Variants in PPTC7 observed in about 807,000 individuals in gnomAD.
PPTC7 encodes protein phosphatase targeting COQ7, also known as protein phosphatase PTC7 homolog.
PPTC7 carries 6 observed loss-of-function variants against 30.8 expected under a neutral mutation model. The ratio of observed to expected loss-of-function variants is 0.19; its 90% CI spans 0.11 to 0.38. PPTC7 has a LOEUF of 0.38. Ranked by LOEUF, PPTC7 falls within the 10% of genes least tolerant of loss-of-function variation. The pLI, the probability that PPTC7 is intolerant of heterozygous loss-of-function variation, is 1.00. For missense variants in PPTC7, 218 were observed against 404.8 expected (o/e 0.54, Z 3.96); for synonymous variants, 163 against 168.1 (o/e 0.97, Z 0.23).
intron 1 of PPTC7, among the ~76,000 whole-genome samples, chr12:110,580,014 C>T (rs538760871): frequency 2.6e-5 from 4 of 151,010 alleles, no homozygotes; most frequent in East Asian, 3.9e-4. Context: ...ACTCCATACC[C>T]GCACCCCCCA....
chr12:110,583,024 G>A lies in PPTC7; in HGVS notation c.8C>T (p.Ser3Leu). ...CACCAGCCGCCCGTACGAGAGGACC[G>A]AGAACATCGCCGCCGCCGCCCCCCC... MFSVLSYGRLVAR... is the reference protein window; with the variant it reads MFLVLSYGRLVAR... Residue 3 changes from serine (S) to leucine (L), a missense_variant, in exon 1 of 6, where the codon TCG (serine) becomes TTG (leucine). Coordinates refer to ENST00000354300, the MANE Select transcript of PPTC7 (RefSeq NM_139283.2). 1 of 1,421,522 alleles carries A rather than the reference G, an allele frequency of 7.0e-7. No individual in the cohort carries two copies. Among genetic ancestry groups the A allele is most frequent in the Non-Finnish European group, 9.1e-7 (1 of 1,097,392 alleles). 88.1% of individuals were successfully genotyped at this position (1,421,522 alleles called of 1,614,324 possible). A position where few individuals can be genotyped will look rare whatever the true frequency, so the allele number is the denominator to read the frequency against.
At chr12:110,563,975 A>C (rs1243527200) in intron 1 of PPTC7, among the ~76,000 whole-genome samples, 1 of 152,242 alleles carries the variant, frequency 6.6e-6, no homozygotes, top group Non-Finnish European at 1.5e-5. Context: ...TCTTCCTTTA[A>C]CTTCAATAAT....
At chr12:110,573,978 T>C (rs2135793865) in intron 1 of PPTC7, among the ~76,000 whole-genome samples, 1 of 149,650 alleles carries the variant, frequency 6.7e-6, no homozygotes, top group Non-Finnish European at 1.5e-5. Context: ...CAAAACTCTG[T>C]CTCTAAATAA....
chr12:110,544,197 TAA>T (rs2064287438), intron 3 of PPTC7, among the ~76,000 whole-genome samples: 1 of 152,206 alleles, frequency 6.6e-6, no homozygotes, highest in African/African-American at 2.4e-5. Context: ...CTTTTACCGG[TAA>T]AAGTTACTTT....
chr12:110,552,344 AC>A (rs1261158504), intron 1 of PPTC7, among the ~76,000 whole-genome samples: 3 of 152,248 alleles, frequency 2.0e-5, no homozygotes. Flanking sequence ...TAGTGACGAT[AC>A]AATTCAGTCA....
At chr12:110,537,793 T>G (rs2064230205) in intron 5 of PPTC7, among the ~76,000 whole-genome samples, 2 of 152,186 alleles carry the variant, frequency 1.3e-5, no homozygotes, top group Admixed American at 1.3e-4. Flanking sequence ...AAGCGAAATG[T>G]CAGACACGTG....
intron 2 of PPTC7, among the ~76,000 whole-genome samples, chr12:110,550,323 C>T (rs567225785): frequency 6.6e-6 from 1 of 151,308 alleles, no homozygotes; most frequent in East Asian, 2.0e-4. Context: ...CTCCGCCTCC[C>T]AGGTTCACAC....
intron 2 of PPTC7, among the ~76,000 whole-genome samples, chr12:110,548,485 C>T (rs1484715239): frequency 6.6e-6 from 1 of 152,192 alleles, no homozygotes; most frequent in Admixed American, 6.5e-5. Context: ...ACTGGTAGTG[C>T]TGTCAGATAA....
At chr12:110,571,325 T>C (rs2064534855) in intron 1 of PPTC7, among the ~76,000 whole-genome samples, 1 of 151,426 alleles carries the variant, frequency 6.6e-6, no homozygotes, top group Non-Finnish European at 1.5e-5. Context: ...TCTAAAAGAT[T>C]GGAAAAGAAT....
intron 1 of PPTC7, among the ~76,000 whole-genome samples, chr12:110,574,761 G>C (rs2064573273): frequency 1.3e-5 from 2 of 152,040 alleles, no homozygotes; most frequent in African/African-American, 4.8e-5. Context: ...CAGGGAGACA[G>C]AAAACTCCCT....
At chr12:110,582,786 AG>A in intron 1 of PPTC7, 22 bp downstream of exon 1, 2 of 1,532,170 alleles carry the variant, frequency 1.3e-6, no homozygotes, top group African/African-American at 1.4e-5. Flanking sequence ...GGCTGGGGCA[AG>A]GGAACCGGGT....
intron 1 of PPTC7, 47 bp from the exon 2 acceptor site, chr12:110,552,015 T>G: frequency 6.7e-7 from 1 of 1,489,190 alleles, no homozygotes; most frequent in Non-Finnish European, 9.3e-7. Flanking sequence ...CTTACCAACT[T>G]CTCAGGAATT....
chr12:110,552,176 A>G (rs751069071), intron 1 of PPTC7, among the ~76,000 whole-genome samples: 2 of 152,208 alleles, frequency 1.3e-5, no homozygotes, highest in Non-Finnish European at 2.9e-5. Context: ...CCTTTCATAT[A>G]TTGATGAATA....
intron 1 of PPTC7, among the ~76,000 whole-genome samples, chr12:110,572,881 A>G (rs1222623147): frequency 2.0e-5 from 3 of 151,790 alleles, no homozygotes; most frequent in African/African-American, 7.3e-5. Flanking sequence ...TTATTTATTT[A>G]TTTATTTATT....
At chr12:110,545,249 C>T (rs182902605) in intron 3 of PPTC7, among the ~76,000 whole-genome samples, 25 of 152,240 alleles carry the variant, frequency 1.6e-4, no homozygotes, top group Non-Finnish European at 2.9e-4. Context: ...CCCGCCATCA[C>T]GCCCAGCTAA....
chr12:110,550,760 T>C (rs572634742), intron 2 of PPTC7, among the ~76,000 whole-genome samples: 1 of 152,334 alleles, frequency 6.6e-6, no homozygotes, highest in South Asian at 2.1e-4. Flanking sequence ...TTAAGTTTTC[T>C]AATACAAGAT....
At position 110,534,862 on chromosome 12, in the gene PPTC7, A is replaced by T. The variant is rs2064207252; in HGVS notation, c.*2175T>A. On this transcript the variant is annotated 3_prime_UTR_variant, in exon 6 of 6. Transcript: ENST00000354300. ...GATTGTGTTTGACGGGTTAAATGAGAGCAGAGAAAAACCAGAAACTTGACG... is the reference window on the plus strand; with the variant it reads ...GATTGTGTTTGACGGGTTAAATGAGTGCAGAGAAAAACCAGAAACTTGACG... The T allele has an allele frequency of 6.6e-6, 1 of 152,622 alleles. No individual in the cohort carries two copies. The highest frequency in any genetic ancestry group is 1.5e-5 in the Non-Finnish European group (1 of 68,046). The allele number at this position is 152,622 out of a possible 1,614,324, so 9.5% of individuals were successfully genotyped here. A position where few individuals can be genotyped will look rare whatever the true frequency, so the allele number is the denominator to read the frequency against.
intron 1 of PPTC7, among the ~76,000 whole-genome samples, chr12:110,576,910 T>C (rs2064593875): frequency 1.3e-5 from 2 of 152,178 alleles, no homozygotes; most frequent in African/African-American, 4.8e-5. Context: ...TTCACGCCTG[T>C]AATCCCAGCA....
intron 2 of PPTC7, among the ~76,000 whole-genome samples, chr12:110,550,871 T>C (rs1442910948): frequency 6.6e-6 from 1 of 152,236 alleles, no homozygotes; most frequent in African/African-American, 2.4e-5. Flanking sequence ...GGTAATGAAC[T>C]GAATTTTGCA....
Sources: allele counts gnomAD v4.1 joint callset (sites outside exome capture counted in the v4.1 genomes callset), GRCh38; gene constraint gnomAD v4.1.1; transcripts MANE v1.5; gene names NCBI Gene and HGNC (gene_info 2026-07-23, HGNC 2026-07-21).